Variants in GHR observed in about 807,000 individuals in gnomAD.
GHR encodes growth hormone receptor, also known as GH receptor.
Under a neutral mutation model 67.1 loss-of-function variants are expected in GHR, and 35 were observed. The ratio of observed to expected loss-of-function variants is 0.52; its 90% confidence interval spans 0.40 to 0.69. The LOEUF is 0.69. GHR is among the 30% of genes least tolerant of loss of function. GHR has a pLI of 0.00. For synonymous variants in GHR, 272 were observed against 269.1 expected, an observed-to-expected ratio of 1.01 and a Z score of -0.10; for missense variants, 792 against 764.6, an observed-to-expected ratio of 1.04 and a Z score of -0.42.
At chr5:42,597,744 A>G (rs1218749860) in intron 2 of GHR, among the ~76,000 whole-genome samples, 1 of 152,186 alleles carries the variant, frequency 6.6e-6, no homozygotes, top group Non-Finnish European at 1.5e-5. Context: ...AGGTACTGAG[A>G]GCAGACTGAT....
chr5:42,700,660 A>G (rs749392803), intron 6 of GHR, among the ~76,000 whole-genome samples: 4 of 152,080 alleles, frequency 2.6e-5, no homozygotes, highest in Non-Finnish European at 5.9e-5. Flanking sequence ...TCCCAATATA[A>G]CTAATTCTAA....
At chr5:42,669,669 T>G (rs564401020) in intron 3 of GHR, among the ~76,000 whole-genome samples, 3 of 152,168 alleles carry the variant, frequency 2.0e-5, no homozygotes, top group Non-Finnish European at 4.4e-5. Flanking sequence ...GTTCCCAAAT[T>G]AACCATCAAA....
chr5:42,663,742 C>T (rs1755793570), intron 3 of GHR, among the ~76,000 whole-genome samples: 1 of 152,128 alleles, frequency 6.6e-6, no homozygotes, highest in Non-Finnish European at 1.5e-5. Flanking sequence ...AAGTTCTGGC[C>T]AGGGCAATTA....
At chr5:42,518,438 G>C (rs979847890) in intron 1 of GHR, among the ~76,000 whole-genome samples, 1 of 152,120 alleles carries the variant, frequency 6.6e-6, no homozygotes, top group East Asian at 1.9e-4. Flanking sequence ...GGAACTAATT[G>C]TCTCTAGCCA....
intron 1 of GHR, among the ~76,000 whole-genome samples, chr5:42,484,157 G>A (rs1168570667): frequency 2.0e-5 from 3 of 152,138 alleles, no homozygotes; most frequent in Non-Finnish European, 2.9e-5. Flanking sequence ...TTTTCATACT[G>A]TGGACATCCT....
intron 1 of GHR, among the ~76,000 whole-genome samples, chr5:42,543,293 A>G (rs1653268665): frequency 1.3e-5 from 2 of 152,062 alleles, no homozygotes; most frequent in Admixed American, 1.3e-4. Flanking sequence ...CTACACCAGC[A>G]TTTATTGTTT....
intron 1 of GHR, chr5:42,514,442 C>A: frequency 1.4e-5 from 5 of 363,804 alleles, no homozygotes; most frequent in Non-Finnish European, 1.9e-5. Flanking sequence ...TCCCAGCTAT[C>A]TATGACCATA....
chr5:42,466,435 C>T (rs1216608814), intron 1 of GHR, among the ~76,000 whole-genome samples: 1 of 152,124 alleles, frequency 6.6e-6, no homozygotes, highest in African/African-American at 2.4e-5. Flanking sequence ...TGTTGAATTG[C>T]TACCCCAAGT....
intron 4 of GHR, among the ~76,000 whole-genome samples, chr5:42,690,694 A>G (rs989436203): frequency 1.3e-5 from 2 of 152,182 alleles, no homozygotes; most frequent in African/African-American, 4.8e-5. Context: ...CCCACCTTTC[A>G]GTATAAGAGA....
intron 6 of GHR, among the ~76,000 whole-genome samples, chr5:42,702,061 T>G (rs941656398): frequency 6.6e-6 from 1 of 152,174 alleles, no homozygotes; most frequent in African/African-American, 2.4e-5. Flanking sequence ...TTTTGTGTGT[T>G]GAGAACACTT....
At chr5:42,559,610 T>C (rs1189577045) in intron 1 of GHR, among the ~76,000 whole-genome samples, 1 of 152,190 alleles carries the variant, frequency 6.6e-6, no homozygotes, top group South Asian at 2.1e-4. Context: ...GCCTACTATA[T>C]ATACAACTCC....
intron 1 of GHR, among the ~76,000 whole-genome samples, chr5:42,485,992 T>A (rs992104530): frequency 9.8e-5 from 15 of 152,352 alleles, no homozygotes; most frequent in South Asian, 2.1e-4. Context: ...TCTCAAACTT[T>A]AATATGTATA....
At chr5:42,621,955 C>T (rs1184025069) in intron 2 of GHR, among the ~76,000 whole-genome samples, 6 of 151,986 alleles carry the variant, frequency 3.9e-5, no homozygotes, top group African/African-American at 4.8e-5. Context: ...ATAACATGTA[C>T]GAGATAATAC....
chr5:42,433,710 G>A (rs1743196537), intron 1 of GHR, among the ~76,000 whole-genome samples: 1 of 150,134 alleles, frequency 6.7e-6, no homozygotes, highest in South Asian at 2.1e-4. Context: ...CATGGCTCCT[G>A]AGCCAGTACT....
chr5:42,614,559 A>ATTTTTTTTTTTTT lies in GHR; in HGVS notation c.71-14459_71-14447dup, dbSNP rs553365880. The stretch of plus-strand genomic sequence containing the variant: ...GCAAGCTTTATAGGCCATAGAGGAC[A>ATTTTTTTTTTTTT]TTTTTTTTTTTTTTTTTTTTTTTTT... On this transcript the variant is annotated intron_variant, in intron 2 of 9. Transcript: ENST00000230882. Among the ~76,000 whole-genome samples the ATTTTTTTTTTTTT allele has an allele frequency of 5.5e-4, 36 of 65,410 alleles. 2 individuals are homozygous for ATTTTTTTTTTTTT. The highest frequency in any genetic ancestry group is 1.8e-3 in the African/African-American group (28 of 15,842). 42.9% of individuals were successfully genotyped at this position (65,410 alleles called of 152,430 possible).
chr5:42,428,297 G>A lies in GHR; in HGVS notation c.-12+4342G>A, dbSNP rs114683576. 8.5e-3 allele frequency among the ~76,000 whole-genome samples: 1,289 copies of A among 152,266 alleles called. 19 individuals carry two copies. Among genetic ancestry groups the A allele is most frequent in the African/African-American group, 0.03 (1,235 of 41,546 alleles). On this transcript the variant is annotated intron_variant, in intron 1 of 9. Coordinates refer to ENST00000230882, the MANE Select transcript of GHR (RefSeq NM_000163.5). ...CAGCCATGGCCTGAGCTGTACCTTG[G>A]CCCCTTTTAGACATGGCTAGAGGGG...
chr5:42,530,918 C>T (rs368444869), intron 1 of GHR, among the ~76,000 whole-genome samples: 1 of 152,138 alleles, frequency 6.6e-6, no homozygotes, highest in Non-Finnish European at 1.5e-5. Context: ...GAAATGCTCC[C>T]GCATACATTG....
At chr5:42,481,266 C>G (rs943781907) in intron 1 of GHR, among the ~76,000 whole-genome samples, 4 of 152,248 alleles carry the variant, frequency 2.6e-5, no homozygotes, top group African/African-American at 9.6e-5. Context: ...AGCTTTTAGT[C>G]TGATGGGCTT....
At chr5:42,621,185 A>G (rs1753426931) in intron 2 of GHR, among the ~76,000 whole-genome samples, 2 of 152,078 alleles carry the variant, frequency 1.3e-5, no homozygotes, top group Non-Finnish European at 2.9e-5. Flanking sequence ...TGCTCTTGTA[A>G]CAGTAGGAAG....
Sources: allele counts gnomAD v4.1 joint callset (sites outside exome capture counted in the v4.1 genomes callset), GRCh38; gene constraint gnomAD v4.1.1; transcripts MANE v1.5; gene names NCBI Gene and HGNC (gene_info 2026-07-23, HGNC 2026-07-21).